The following APOB variants were observed in gnomAD, a reference collection of about 807,000 sequenced individuals.
APOB encodes apolipoprotein B, also known as apolipoprotein B-100.
A neutral mutation model predicts 314.1 loss-of-function variants in APOB; 153 were observed. The observed-to-expected ratio is 0.49, with a 90% CI of 0.43 to 0.56. The LOEUF is 0.56. Ranked by LOEUF, APOB falls within the 20% of genes least tolerant of loss-of-function variation. The probability of loss-of-function intolerance (pLI) is 0.00; values close to 1 mark genes in which losing one functional copy is unlikely to be tolerated. For synonymous variants in APOB, 2,087 were observed against 2,036.4 expected, an observed-to-expected ratio of 1.02 and a Z score of -0.67; for missense variants, 5,430 against 5,350.7, an observed-to-expected ratio of 1.01 and a Z score of -0.46.
intron 3 of APOB, 72 bp downstream of exon 3, chr2:21,042,289 T>C (rs536361882): frequency 5.0e-6 from 6 of 1,197,176 alleles, no homozygotes; most frequent in African/African-American, 4.5e-5. Context: ...AGGTCGCGTG[T>C]TGGGCGCCCG....
In APOB at chr2:21,040,964, A is replaced by G; in HGVS notation, c.357T>C (p.Ser119=). 1 of 1,614,072 alleles carries G rather than the reference A, an allele frequency of 6.2e-7. No individual in the cohort carries two copies. Among genetic ancestry groups the G allele is most frequent in the Non-Finnish European group, 8.5e-7 (1 of 1,180,024 alleles). Residue 119 remains serine, a synonymous_variant, in exon 4 of 29, where the codon TCT becomes TCC. Coordinates refer to ENST00000233242, the MANE Select transcript of APOB (RefSeq NM_000384.3). ...GKALLKKTKN[S]EEFAAAMSRY... ...TGGACATGGCTGCAGCAAACTCCTC[A>G]GAGTTCTTGGTTTTCTTCAGCAAGG...
At chr2:21,043,814 G>T in intron 1 of APOB, 50 bp downstream of exon 1, 2 of 1,531,160 alleles carry the variant, frequency 1.3e-6, no homozygotes, top group Middle Eastern at 1.8e-4. Flanking sequence ...ACCTCGTGCC[G>T]CCGGCTCCCT....
Position 21,044,055 on chromosome 2 carries a change from C to G in APOB, c.-110G>C, listed in dbSNP as rs1248986266. 10 of 448,206 alleles carry G rather than the reference C, an allele frequency of 2.2e-5. No individual in the cohort carries two copies. Among genetic ancestry groups the G allele is most frequent in the Middle Eastern group, 6.8e-4 (1 of 1,462 alleles). The allele number at this position is 448,206 out of a possible 1,614,324, so 27.8% of individuals were successfully genotyped here. On this transcript the variant is annotated 5_prime_UTR_variant, in exon 1 of 29. Transcript: ENST00000233242. ...AGCAACCGAGAAGGGCACTCAGCCCCGCAGGTCCCGGTGGGAATGCGCGGC... is the reference window on the plus strand; with the variant it reads ...AGCAACCGAGAAGGGCACTCAGCCCGGCAGGTCCCGGTGGGAATGCGCGGC...
intron 15 of APOB, among the ~76,000 whole-genome samples, chr2:21,026,383 G>T (rs1053149429): frequency 1.4e-4 from 22 of 152,038 alleles, no homozygotes; most frequent in African/African-American, 5.3e-4. Flanking sequence ...GAGTAGCTAG[G>T]ATTACAGGCA....
In APOB at chr2:21,005,318, A is replaced by G; in HGVS notation, c.11550T>C (p.Phe3850=). The change falls in exon 26 of 29, where the codon TTT becomes TTC. Residue 3850 remains phenylalanine, a synonymous_variant. Coordinates refer to ENST00000233242, the MANE Select transcript of APOB (RefSeq NM_000384.3). Reference sequence around the variant, plus strand: ...CAGGCACGATGATGGTGGGCAACTCAAAGTCTGCGATCTTGTTGGCTACTG... The same window carrying G: ...CAGGCACGATGATGGTGGGCAACTCGAAGTCTGCGATCTTGTTGGCTACTG... ...LNAVANKIAD[F]ELPTIIVPEQ... 6.2e-7 allele frequency: 1 copy of G among 1,614,096 alleles called. No individual in the cohort carries two copies. The highest frequency in any genetic ancestry group is 1.3e-5 in the African/African-American group (1 of 75,020).
intron 5 of APOB, 21 bp downstream of exon 5, chr2:21,037,937 A>C: frequency 6.2e-7 from 1 of 1,614,166 alleles, no homozygotes; most frequent in Non-Finnish European, 8.5e-7. Flanking sequence ...GGCCACTGCT[A>C]TCAGCTTTCT....
intron 17 of APOB, 49 bp from the exon 18 acceptor site, chr2:21,023,091 C>A: frequency 6.5e-7 from 1 of 1,538,516 alleles, no homozygotes; most frequent in South Asian, 1.1e-5. Context: ...ACTTCAGTCC[C>A]CTGTCAGTCA....
chr2:21,010,261 CAAT>C lies in APOB; in HGVS notation c.6604_6606del (p.Ile2202del), dbSNP rs1235914477. On this transcript the variant is annotated inframe_deletion, in exon 26 of 29. Coordinates refer to ENST00000233242, the MANE Select transcript of APOB (RefSeq NM_000384.3). ...CTTTTTAATTTTTCAATGATTTCAT[CAAT>C]AATATTAGCAATAGCTATTTTCAAA... 2.0e-5 allele frequency: 31 copies of C among 1,555,006 alleles called. No homozygotes were observed. Among genetic ancestry groups the C allele is most frequent in the Non-Finnish European group, 2.5e-5 (29 of 1,152,468 alleles).
Position 21,043,951 on chromosome 2 carries a change from G to A in APOB, c.-6C>T. 1 of 1,297,570 alleles carries A rather than the reference G, an allele frequency of 7.7e-7. No individual in the cohort carries two copies. Among genetic ancestry groups the A allele is most frequent in the Non-Finnish European group, 9.8e-7 (1 of 1,015,240 alleles). 80.4% of individuals were successfully genotyped at this position (1,297,570 alleles called of 1,614,324 possible). A position where few individuals can be genotyped will look rare whatever the true frequency, so the allele number is the denominator to read the frequency against. On this transcript the variant is annotated 5_prime_UTR_variant, in exon 1 of 29. Coordinates refer to ENST00000233242, the MANE Select transcript of APOB (RefSeq NM_000384.3). Reference sequence around the variant, plus strand: ...GCGGGCCTCGGCGGGTCCATCGCCAGCTGCGGTGGGGCGGCTCCTGGGCTG... The same window carrying A: ...GCGGGCCTCGGCGGGTCCATCGCCAACTGCGGTGGGGCGGCTCCTGGGCTG...
rs770497803 is a variant in APOB at position 21,009,137 on chromosome 2, C to G, written c.7731G>C (p.Met2577Ile). 3 of 1,614,048 alleles carry G rather than the reference C, an allele frequency of 1.9e-6. No homozygotes were observed. Among genetic ancestry groups the G allele is most frequent in the East Asian group, 4.5e-5 (2 of 44,880 alleles). ...QYSIQDWAKR[M>I]KALVEQGFTV... ...TGAACCCTTGCTCTACCAATGCTTTCATACGTTTAGCCCAATCTTGGATAG... is the reference window on the plus strand; with the variant it reads ...TGAACCCTTGCTCTACCAATGCTTTGATACGTTTAGCCCAATCTTGGATAG... The change falls in exon 26 of 29, where the codon ATG becomes ATC. Residue 2577 changes from methionine to isoleucine, a missense_variant. Met to Ile is a conservative substitution (Grantham distance 10). This residue lies in a region of APOB where 3,281 missense variants were observed against 3,171.0 expected (regional missense o/e 1.03). Coordinates refer to ENST00000233242, the MANE Select transcript of APOB (RefSeq NM_000384.3).
intron 3 of APOB, among the ~76,000 whole-genome samples, chr2:21,042,136 C>T (rs1331458198): frequency 6.6e-6 from 1 of 152,198 alleles, no homozygotes; most frequent in African/African-American, 2.4e-5. Flanking sequence ...CGGGAAAATA[C>T]TTCTGACTTG....
Position 21,009,646 on chromosome 2 carries a change from A to T in APOB, c.7222T>A (p.Ser2408Thr). The T allele has an allele frequency of 6.2e-7, 1 of 1,613,636 alleles. No individual in the cohort carries two copies. The highest frequency in any genetic ancestry group is 1.1e-5 in the South Asian group (1 of 91,026). Residue 2408 changes from serine to threonine, a missense_variant, in exon 26 of 29, where the codon TCT becomes ACT. Ser to Thr is a moderately conservative substitution (Grantham distance 58). Around this residue, in one of 3 missense-constraint regions of APOB, gnomAD observed 3,281 missense variants for 3,171.0 expected, o/e 1.03. Coordinates refer to ENST00000233242, the MANE Select transcript of APOB (RefSeq NM_000384.3). ...DDAVKKLNELSFKTFIEDVNK... is the reference protein window; with the variant it reads ...DDAVKKLNELTFKTFIEDVNK... The stretch of plus-strand genomic sequence containing the variant: ...ACATCTTCAATGAATGTTTTAAAAG[A>T]TAATTCATTAAGCTTCTTGACAGCA...
rs777287390 is a variant in APOB, at chr2:21,009,582, G to A, written c.7286C>T (p.Ser2429Leu). The A allele has an allele frequency of 6.2e-7, 1 of 1,613,858 alleles. No homozygotes were observed. The highest frequency in any genetic ancestry group is 1.1e-5 in the South Asian group (1 of 91,042). Reference protein sequence around the residue: ...FLDMLIKKLKSFDYHQFVDET... With the variant: ...FLDMLIKKLKLFDYHQFVDET... ...ATCTACAAACTGGTGGTAATCAAAT[G>A]ACTTTAATTTCTTTATCAACATGTC... The change falls in exon 26 of 29, where the codon TCA becomes TTA. Residue 2429 changes from serine to leucine, a missense_variant. Physicochemically the swap from Ser to Leu is moderately radical, Grantham distance 145. This residue lies in a region of APOB where 3,281 missense variants were observed against 3,171.0 expected (regional missense o/e 1.03). Coordinates refer to ENST00000233242, the MANE Select transcript of APOB (RefSeq NM_000384.3).
rs1420371568 is a variant in APOB, at chr2:21,012,278, G to A, written c.4590C>T (p.Thr1530=). The A allele has an allele frequency of 1.1e-5, 17 of 1,613,824 alleles. No homozygotes were observed. Among genetic ancestry groups the A allele is most frequent in the African/African-American group, 2.7e-5 (2 of 74,906 alleles). The part of the protein sequence containing the change: ...LRFNSSYLQG[T]NQITGRYEDG... ...CTTCATATCTTCCTGTTATCTGGTT[G>A]GTGCCTTGGAGGTAGGAGGAGTTAA... The change falls in exon 26 of 29, where the codon ACC becomes ACT. Residue 1530 remains threonine, a synonymous_variant. Coordinates refer to ENST00000233242, the MANE Select transcript of APOB (RefSeq NM_000384.3).
Position 21,005,097 on chromosome 2 carries a change from A to G in APOB, c.11771T>C (p.Leu3924Pro). The G allele has an allele frequency of 1.2e-6, 2 of 1,613,954 alleles. No homozygotes were observed. Among genetic ancestry groups the G allele is most frequent in the South Asian group, 1.1e-5 (1 of 91,086 alleles). Residue 3924 changes from leucine (L) to proline (P), a missense_variant, in exon 26 of 29, where the codon CTA (leucine) becomes CCA (proline). By Grantham distance (98) the Leu-to-Pro change is moderately conservative. Coordinates refer to ENST00000233242, the MANE Select transcript of APOB (RefSeq NM_000384.3). Reference protein sequence around the residue: ...DSTCSSTVQFLEYELNVLGTH... With the variant: ...DSTCSSTVQFPEYELNVLGTH... Reference sequence around the variant, plus strand: ...TTTCTTACCATTTAGTTCATATTCTAGGAACTGTACGGTTGAGCTGCATGT... The same window carrying G: ...TTTCTTACCATTTAGTTCATATTCTGGGAACTGTACGGTTGAGCTGCATGT...
Position 21,043,858 on chromosome 2 carries a change from A to T in APOB, c.82+6T>A. 1 of 1,520,586 alleles carries T rather than the reference A, an allele frequency of 6.6e-7. No individual in the cohort carries two copies. Among genetic ancestry groups the T allele is most frequent in the South Asian group, 1.2e-5 (1 of 82,904 alleles). The allele number at this position is 1,520,586 out of a possible 1,614,324, so 94.2% of individuals were successfully genotyped here. On this transcript the variant is annotated splice_donor_region_variant and intron_variant, in intron 1 of 28. Coordinates refer to ENST00000233242, the MANE Select transcript of APOB (RefSeq NM_000384.3). ...CTCTGCGCCCGCAGAGCGGCCGCGC[A>T]CTCACCGGCCCTGGCGCCCGCCAGC...
At chr2:21,032,112 G>C (rs1663895959) in intron 10 of APOB, among the ~76,000 whole-genome samples, 1 of 152,156 alleles carries the variant, frequency 6.6e-6, no homozygotes, top group Admixed American at 6.5e-5. Context: ...GTGAAATTCT[G>C]TCAACTTTGC....
At position 21,005,855 on chromosome 2, in the gene APOB, G is replaced by A. The variant is rs776329252; in HGVS notation, c.11013C>T (p.Phe3671=). 62 of 1,613,840 alleles carry A rather than the reference G, an allele frequency of 3.8e-5. No homozygotes were observed. In the South Asian group the frequency reaches 6.5e-4, roughly 17 times the overall value. ...IAGSLEGHLR[F]LKNIILPVYD... ...AGACTGGTAGGATGATATTTTTGAG[G>A]AACCTTAGGTGTCCTTCTAAGGATC... Residue 3671 remains phenylalanine, a synonymous_variant, in exon 26 of 29, where the codon TTC becomes TTT. Transcript: ENST00000233242.
Position 21,004,308 on chromosome 2 carries a change from A to C in APOB, c.12048T>G (p.Asp4016Glu). Reference protein sequence around the residue: ...VGTVGMDMDEDDDFSKWNFYY... With the variant: ...VGTVGMDMDEEDDFSKWNFYY... The stretch of plus-strand genomic sequence containing the variant: ...AGAAGTTCCATTTAGAAAAGTCGTC[A>C]TCTTCATCCATATCCATGCCCACGG... Residue 4016 changes from aspartate to glutamate, a missense_variant, in exon 28 of 29, where the codon GAT becomes GAG. This residue lies in a region of APOB where 3,281 missense variants were observed against 3,171.0 expected (regional missense o/e 1.03). Transcript: ENST00000233242. 1 of 1,613,998 alleles carries C rather than the reference A, an allele frequency of 6.2e-7. No individual in the cohort carries two copies. The highest frequency in any genetic ancestry group is 8.5e-7 in the Non-Finnish European group (1 of 1,179,916).
Sources: allele counts gnomAD v4.1 joint callset (sites outside exome capture counted in the v4.1 genomes callset), GRCh38; gene constraint gnomAD v4.1.1; regional missense constraint gnomAD v4.1.1; transcripts MANE v1.5; gene names NCBI Gene and HGNC (gene_info 2026-07-23, HGNC 2026-07-21).